SPIDR: variants seen among roughly 807,000 people sequenced by gnomAD.
SPIDR encodes the protein scaffold protein involved in DNA repair, also known as DNA repair-scaffolding protein.
A neutral mutation model predicts 104.6 loss-of-function variants in SPIDR; 93 were observed. The ratio of observed to expected loss-of-function variants is 0.89; its 90% confidence interval spans 0.75 to 1.06. The LOEUF is 1.06. Among genes scored for constraint, SPIDR ranks in the 50% least tolerant of loss-of-function variants. The pLI, the probability that SPIDR is intolerant of heterozygous loss-of-function variation, is 0.00. For missense variants in SPIDR, 1,154 were observed against 1,111.2 expected (o/e 1.04, Z -0.55); for synonymous variants, 431 against 416.9 (o/e 1.03, Z -0.41).
intron 5 of SPIDR, among the ~76,000 whole-genome samples, chr8:47,377,122 A>G (rs1397191542): frequency 2.0e-5 from 3 of 152,172 alleles, no homozygotes; most frequent in Non-Finnish European, 4.4e-5. Flanking sequence ...AGCCACATTC[A>G]TTTAACCCTA....
intron 5 of SPIDR, among the ~76,000 whole-genome samples, chr8:47,380,411 G>A (rs1223956164): frequency 6.6e-6 from 1 of 152,130 alleles, no homozygotes; most frequent in African/African-American, 2.4e-5. Context: ...TCAGGACCTC[G>A]GAGGACCGTG....
chr8:47,726,204 A>T (rs1349122395), intron 16 of SPIDR, among the ~76,000 whole-genome samples: 1 of 152,188 alleles, frequency 6.6e-6, no homozygotes, highest in Admixed American at 6.5e-5. Context: ...CAAAATCAAG[A>T]TCTATTATTT....
intron 10 of SPIDR, among the ~76,000 whole-genome samples, chr8:47,626,593 C>T (rs1216988413): frequency 2.6e-5 from 4 of 152,168 alleles, no homozygotes; most frequent in African/African-American, 9.7e-5. Context: ...TGAACAGACA[C>T]TCTCAAAAGA....
At chr8:47,504,967 G>A (rs2081241447) in intron 8 of SPIDR, among the ~76,000 whole-genome samples, 2 of 152,198 alleles carry the variant, frequency 1.3e-5, no homozygotes, top group African/African-American at 4.8e-5. Flanking sequence ...AACAGCAAAT[G>A]TTGCTGCCTG....
chr8:47,444,529 C>G (rs2070172802), intron 8 of SPIDR, among the ~76,000 whole-genome samples: 2 of 152,186 alleles, frequency 1.3e-5, no homozygotes, highest in Non-Finnish European at 2.9e-5. Flanking sequence ...TTTTTAGTCA[C>G]TACTTAGTAT....
In SPIDR at chr8:47,463,133, C is replaced by T. The variant is rs111609111; in HGVS notation, c.1097+22591C>T. ...CAGCACTTTGGGAGGCTGAGGCAAGCGGATCATGAGGTCAGGAGATCAAGA... is the reference window on the plus strand; with the variant it reads ...CAGCACTTTGGGAGGCTGAGGCAAGTGGATCATGAGGTCAGGAGATCAAGA... On this transcript the variant is annotated intron_variant, in intron 8 of 19. Coordinates refer to ENST00000297423, the MANE Select transcript of SPIDR (RefSeq NM_001080394.4). Among the ~76,000 whole-genome samples, 7 of 151,936 alleles carry T rather than the reference C, an allele frequency of 4.6e-5. No homozygotes were observed. In the East Asian group the frequency reaches 7.7e-4, roughly 17 times the overall value.
intron 1 of SPIDR, among the ~76,000 whole-genome samples, chr8:47,276,578 GA>G (rs2036472579): frequency 1.3e-5 from 2 of 152,082 alleles, no homozygotes; most frequent in East Asian, 1.9e-4. Flanking sequence ...AAAAACTGAA[GA>G]AAAAAATAAT....
At chr8:47,558,750 C>G (rs1174760857) in intron 8 of SPIDR, among the ~76,000 whole-genome samples, 1 of 152,180 alleles carries the variant, frequency 6.6e-6, no homozygotes, top group African/African-American at 2.4e-5. Context: ...CACCATTCTC[C>G]TGCCTCAGCC....
At chr8:47,646,855 TTATA>T (rs781283355) in intron 10 of SPIDR, among the ~76,000 whole-genome samples, 1 of 152,186 alleles carries the variant, frequency 6.6e-6, no homozygotes, top group Non-Finnish European at 1.5e-5. Flanking sequence ...TGAAAGGACT[TTATA>T]TATAGTTATT....
In SPIDR at chr8:47,618,495, A is replaced by T. The variant is rs543238657; in HGVS notation, c.1544+19299A>T. ...TTTTTTTATTCAGCTATAGATTTTA[A>T]TAATTTTATTTTCTAAATATAAATT... On this transcript the variant is annotated intron_variant, in intron 10 of 19. Coordinates refer to ENST00000297423, the MANE Select transcript of SPIDR (RefSeq NM_001080394.4). Among the ~76,000 whole-genome samples the T allele has an allele frequency of 4.6e-5, 7 of 152,296 alleles. No individual in the cohort carries two copies. The East Asian group carries it at 1.3e-3, about 29-fold the overall frequency.
At chr8:47,302,347 T>TAA in intron 5 of SPIDR, among the ~76,000 whole-genome samples, 1 of 99,296 alleles carries the variant, frequency 1.0e-5, no homozygotes, top group African/African-American at 9.2e-5. Flanking sequence ...GCCATTTGTC[T>TAA]CGTTTTTTTC....
intron 11 of SPIDR, among the ~76,000 whole-genome samples, chr8:47,694,739 ACT>A (rs1418377429): frequency 6.6e-6 from 1 of 151,878 alleles, no homozygotes; most frequent in South Asian, 2.1e-4. Flanking sequence ...ACAGAGCAAG[ACT>A]CTATCTCCAA....
At chr8:47,331,319 C>T (rs564382032) in intron 5 of SPIDR, among the ~76,000 whole-genome samples, 56 of 152,178 alleles carry the variant, frequency 3.7e-4, no homozygotes, top group African/African-American at 1.2e-3. Context: ...TGTCCTTGTG[C>T]GAACATCATA....
At chr8:47,454,510 A>G (rs1388059266) in intron 8 of SPIDR, among the ~76,000 whole-genome samples, 1 of 152,136 alleles carries the variant, frequency 6.6e-6, no homozygotes, top group Non-Finnish European at 1.5e-5. Context: ...GGGAAGGGAT[A>G]GGATTAGGAG....
intron 8 of SPIDR, among the ~76,000 whole-genome samples, chr8:47,505,861 G>T (rs1586839832): frequency 6.6e-6 from 1 of 152,158 alleles, no homozygotes; most frequent in Admixed American, 6.5e-5. Context: ...TACCTTTTGT[G>T]AATTTTTTTC....
At chr8:47,693,483 C>T (rs16930221) in intron 11 of SPIDR, among the ~76,000 whole-genome samples, 429 of 152,322 alleles carry the variant, frequency 2.8e-3, no homozygotes, top group African/African-American at 9.9e-3. Flanking sequence ...CTGTGCAGTA[C>T]TGGCCGGTGG....
intron 11 of SPIDR, among the ~76,000 whole-genome samples, chr8:47,677,509 A>G (rs1042392561): frequency 6.6e-6 from 1 of 152,208 alleles, no homozygotes; most frequent in Non-Finnish European, 1.5e-5. Flanking sequence ...TTATTAATTT[A>G]TAGGTACTAT....
intron 7 of SPIDR, among the ~76,000 whole-genome samples, chr8:47,418,605 C>CT (rs2064819279): frequency 6.6e-6 from 1 of 152,124 alleles, no homozygotes; most frequent in Admixed American, 6.5e-5. Context: ...GTTGAATACC[C>CT]TTTATTTCCT....
intron 14 of SPIDR, among the ~76,000 whole-genome samples, chr8:47,712,337 G>A (rs2082001918): frequency 6.6e-6 from 1 of 152,166 alleles, no homozygotes; most frequent in South Asian, 2.1e-4. Context: ...AGGAAACAAT[G>A]TTGTAATTAA....
Sources: allele counts gnomAD v4.1 joint callset (sites outside exome capture counted in the v4.1 genomes callset), GRCh38; gene constraint gnomAD v4.1.1; transcripts MANE v1.5; gene names NCBI Gene and HGNC (gene_info 2026-07-23, HGNC 2026-07-21).